FGF14: variants seen among roughly 807,000 people sequenced by gnomAD.
The protein encoded by FGF14 is fibroblast growth factor homologous factor 4.
In FGF14, 5 loss-of-function variants were observed where a neutral mutation model predicts 25.5. The ratio of observed to expected loss-of-function variants is 0.20; its 90% confidence interval spans 0.10 to 0.41. The LOEUF (loss-of-function observed/expected upper bound fraction) is 0.41. FGF14 is among the 10% of genes least tolerant of loss of function. FGF14 has a pLI of 1.00. For missense variants in FGF14, 222 were observed against 320.1 expected, an observed-to-expected ratio of 0.69 and a Z score of 2.34; for synonymous variants, 138 against 118.3, an observed-to-expected ratio of 1.17 and a Z score of -1.08.
intron 1 of FGF14, among the ~76,000 whole-genome samples, chr13:102,049,591 C>A (rs1038976086): frequency 5.3e-5 from 8 of 152,258 alleles, no homozygotes; most frequent in Admixed American, 2.0e-4. Context: ...TATTAAGGTT[C>A]TAACCACCAG....
chr13:101,925,234 C>T (rs1046049931), intron 1 of FGF14, among the ~76,000 whole-genome samples: 2 of 152,128 alleles, frequency 1.3e-5, no homozygotes, highest in Non-Finnish European at 2.9e-5. Context: ...TTTTTTAGAA[C>T]GTTATTTTAC....
intron 1 of FGF14, among the ~76,000 whole-genome samples, chr13:102,054,835 T>C (rs1354858235): frequency 6.6e-6 from 1 of 152,190 alleles, no homozygotes; most frequent in Non-Finnish European, 1.5e-5. Flanking sequence ...CCTCCTTTTA[T>C]TCATCCCCAA....
chr13:101,987,768 C>T (rs999926818), intron 1 of FGF14, among the ~76,000 whole-genome samples: 7 of 151,944 alleles, frequency 4.6e-5, no homozygotes, highest in Non-Finnish European at 7.4e-5. Flanking sequence ...TTTAAGAAGT[C>T]ATTAATTCTG....
intron 1 of FGF14, among the ~76,000 whole-genome samples, chr13:102,346,672 T>C: frequency 6.6e-6 from 1 of 152,036 alleles, no homozygotes; most frequent in Non-Finnish European, 1.5e-5. Context: ...AGATGGCTCA[T>C]GGGAAAAGTC....
At chr13:101,878,827 A>G (rs2045540508) in intron 1 of FGF14, among the ~76,000 whole-genome samples, 1 of 152,110 alleles carries the variant, frequency 6.6e-6, no homozygotes, top group Non-Finnish European at 1.5e-5. Flanking sequence ...TAAGACAAAC[A>G]TGTATTAATG....
chr13:101,945,662 C>T (rs1222489464), intron 1 of FGF14, among the ~76,000 whole-genome samples: 1 of 152,188 alleles, frequency 6.6e-6, no homozygotes, highest in Non-Finnish European at 1.5e-5. Context: ...CTTCTGCCTT[C>T]CTTCTGTCTG....
At chr13:102,143,631 G>C (rs2046737310) in intron 1 of FGF14, among the ~76,000 whole-genome samples, 1 of 152,182 alleles carries the variant, frequency 6.6e-6, no homozygotes, top group Non-Finnish European at 1.5e-5. Flanking sequence ...TATCTGCCCA[G>C]TAATTTCTGG....
chr13:101,885,724 G>T (rs1388112080), intron 1 of FGF14, among the ~76,000 whole-genome samples: 1 of 151,454 alleles, frequency 6.6e-6, no homozygotes, highest in Non-Finnish European at 1.5e-5. Context: ...AAAACTGCAG[G>T]GTCCTGGAGA....
chr13:102,333,747 G>A (rs552201516), intron 1 of FGF14, among the ~76,000 whole-genome samples: 4 of 152,228 alleles, frequency 2.6e-5, no homozygotes, highest in African/African-American at 9.6e-5. Context: ...GCCACTTAGG[G>A]CCAACATTTG....
At chr13:102,065,759 T>A (rs1272948930) in intron 1 of FGF14, among the ~76,000 whole-genome samples, 2 of 152,088 alleles carry the variant, frequency 1.3e-5, no homozygotes, top group Non-Finnish European at 1.5e-5. Context: ...GTATAATATG[T>A]TAATGTATAT....
chr13:102,323,982 TG>T (rs2056336016), intron 1 of FGF14, among the ~76,000 whole-genome samples: 2 of 151,484 alleles, frequency 1.3e-5, no homozygotes, highest in Non-Finnish European at 3.0e-5. Flanking sequence ...TGTGTGTGTG[TG>T]TGTGTGTGTG....
At chr13:102,341,373 T>C (rs2056947005) in intron 1 of FGF14, among the ~76,000 whole-genome samples, 1 of 152,184 alleles carries the variant, frequency 6.6e-6, no homozygotes, top group South Asian at 2.1e-4. Context: ...AAAGTACATA[T>C]ACAATATCCA....
chr13:102,019,221 C>G (rs2040505207), intron 1 of FGF14, among the ~76,000 whole-genome samples: 2 of 152,130 alleles, frequency 1.3e-5, no homozygotes, highest in Admixed American at 6.6e-5. Flanking sequence ...TGGAGTCCAC[C>G]TAACTTTCCT....
intron 1 of FGF14, among the ~76,000 whole-genome samples, chr13:102,072,066 A>T (rs1049058057): frequency 2.6e-5 from 4 of 152,246 alleles, no homozygotes; most frequent in African/African-American, 9.6e-5. Flanking sequence ...GGCAGAGCTC[A>T]CTGCTGTGAT....
intron 1 of FGF14, among the ~76,000 whole-genome samples, chr13:102,309,478 A>T (rs1037991466): frequency 6.6e-6 from 1 of 152,176 alleles, no homozygotes; most frequent in African/African-American, 2.4e-5. Flanking sequence ...CCACAGAGCA[A>T]ATGGGATTCT....
intron 1 of FGF14, among the ~76,000 whole-genome samples, chr13:102,142,921 C>G: frequency 6.6e-6 from 1 of 151,694 alleles, no homozygotes; most frequent in Non-Finnish European, 1.5e-5. Flanking sequence ...CTTTTATTCT[C>G]TTTTTAAAAA....
intron 3 of FGF14, among the ~76,000 whole-genome samples, chr13:101,838,372 T>C (rs1324635927): frequency 6.6e-6 from 1 of 152,022 alleles, no homozygotes; most frequent in Non-Finnish European, 1.5e-5. Context: ...TCCCCTGTGA[T>C]TCCCAGCCAC....
At chr13:101,733,591 CAA>C (rs553475621) in intron 3 of FGF14, among the ~76,000 whole-genome samples, 36,572 of 97,002 alleles carry the variant, frequency 0.38, 5,267 homozygotes, top group East Asian at 0.48. Context: ...AAGACTCCAT[CAA>C]AAAAAAAAAA....
At chr13:101,731,807 G>T (rs2035829727) in intron 3 of FGF14, among the ~76,000 whole-genome samples, 1 of 152,164 alleles carries the variant, frequency 6.6e-6, no homozygotes, top group Non-Finnish European at 1.5e-5. Context: ...ACCTGTTTTT[G>T]TAAATAAGGT....
Sources: gnomAD v4.1 joint callset for allele counts (sites outside exome capture counted in the v4.1 genomes callset) on GRCh38, gnomAD v4.1.1 for gene constraint, MANE v1.5 for transcripts, NCBI Gene and HGNC (gene_info 2026-07-23, HGNC 2026-07-21) for gene names.